PALM2AKAP2: variants seen among roughly 807,000 people sequenced by gnomAD.
PALM2AKAP2 encodes the protein PALM2 and AKAP2 fusion.
Under a neutral mutation model 71.5 loss-of-function variants are expected in PALM2AKAP2, and 37 were observed. That is an observed-to-expected ratio of 0.52 (90% confidence interval 0.40 to 0.68). The LOEUF (loss-of-function observed/expected upper bound fraction) is 0.68. Ranked by LOEUF, PALM2AKAP2 falls within the 30% of genes least tolerant of loss-of-function variation. The pLI is 0.00. For synonymous variants in PALM2AKAP2, 468 were observed against 478.8 expected (o/e 0.98, Z 0.29); for missense variants, 1,224 against 1,191.8 (o/e 1.03, Z -0.40).
chr9:109,803,965 C>A (rs1482473947), intron 1 of PALM2AKAP2, among the ~76,000 whole-genome samples: 2 of 152,202 alleles, frequency 1.3e-5, no homozygotes, highest in Non-Finnish European at 2.9e-5. Context: ...TCAAAGACTG[C>A]CACCTAACAG....
intron 2 of PALM2AKAP2, among the ~76,000 whole-genome samples, chr9:109,869,279 G>T (rs1237872008): frequency 6.6e-6 from 1 of 152,004 alleles, no homozygotes; most frequent in Non-Finnish European, 1.5e-5. Flanking sequence ...TATTGCTGAT[G>T]TCCAGTGCAG....
intron 1 of PALM2AKAP2, among the ~76,000 whole-genome samples, chr9:109,658,394 TC>T (rs1416852289): frequency 6.6e-6 from 1 of 152,102 alleles, no homozygotes; most frequent in African/African-American, 2.4e-5. Context: ...TTTATAAATA[TC>T]CCTTCTGACC....
At chr9:110,156,045 G>A (rs897411000) in intron 2 of PALM2AKAP2, among the ~76,000 whole-genome samples, 4 of 152,158 alleles carry the variant, frequency 2.6e-5, no homozygotes, top group Admixed American at 6.5e-5. Context: ...AGCCACTGTC[G>A]GTCTGTCCAA....
chr9:110,169,733 A>G (rs1836813429), exon 4 of PALM2AKAP2: 3 of 152,458 alleles, frequency 2.0e-5, no homozygotes, highest in Admixed American at 1.3e-4. Flanking sequence ...TACAAATCCT[A>G]AAGATGGGGT....
chr9:109,846,263 C>T (rs1316715241), intron 1 of PALM2AKAP2, among the ~76,000 whole-genome samples: 1 of 152,140 alleles, frequency 6.6e-6, no homozygotes. Context: ...AAGCTCATGG[C>T]ACCAAGGTTA....
chr9:109,988,788 C>A (rs1459363505), intron 6 of PALM2AKAP2, among the ~76,000 whole-genome samples: 1 of 152,084 alleles, frequency 6.6e-6, no homozygotes, highest in Admixed American at 6.5e-5. Flanking sequence ...GTATCCCTAC[C>A]CAAATCGTAT....
intron 1 of PALM2AKAP2, among the ~76,000 whole-genome samples, chr9:109,791,042 G>A (rs534276880): frequency 2.6e-5 from 4 of 152,296 alleles, no homozygotes; most frequent in East Asian, 1.9e-4. Flanking sequence ...CACAAAACCC[G>A]AAGGATATTT....
At position 109,845,308 on chromosome 9, in the gene PALM2AKAP2, G is replaced by C. The variant is rs945570283; in HGVS notation, c.46-22183G>C. ...TCTCCTGGGCAGCAGCTTAAGGCTA[G>C]AGTAAGGACATTTCACAGTTTAAGA... On this transcript the variant is annotated intron_variant, in intron 1 of 9. Coordinates refer to the PALM2AKAP2 transcript ENST00000302798. Among the ~76,000 whole-genome samples the C allele has an allele frequency of 2.0e-5, 3 of 152,222 alleles. No individual in the cohort carries two copies. The East Asian group carries it at 5.8e-4, about 29-fold the overall frequency.
chr9:109,956,865 A>C (rs1831755656), intron 6 of PALM2AKAP2, among the ~76,000 whole-genome samples: 2 of 152,126 alleles, frequency 1.3e-5, no homozygotes, highest in African/African-American at 2.4e-5. Context: ...ACTTACCCCC[A>C]AAATTTAGGA....
chr9:110,059,763 C>G (rs1023695821), intron 1 of PALM2AKAP2, among the ~76,000 whole-genome samples: 2 of 152,068 alleles, frequency 1.3e-5, no homozygotes, highest in Non-Finnish European at 2.9e-5. Context: ...TCCACCTTAC[C>G]ATCTGATCTG....
chr9:109,959,047 C>A (rs896165259), intron 6 of PALM2AKAP2, among the ~76,000 whole-genome samples: 3 of 152,128 alleles, frequency 2.0e-5, no homozygotes, highest in Admixed American at 6.5e-5. Flanking sequence ...CTTGGCAAAC[C>A]CCCCCACCTT....
intron 1 of PALM2AKAP2, among the ~76,000 whole-genome samples, chr9:109,746,999 T>C (rs1323926203): frequency 6.6e-6 from 1 of 152,130 alleles, no homozygotes; most frequent in Non-Finnish European, 1.5e-5. Flanking sequence ...TCCAGTTGGA[T>C]TGGAGTATGG....
intron 1 of PALM2AKAP2, among the ~76,000 whole-genome samples, chr9:109,823,245 A>G (rs1042718960): frequency 6.6e-6 from 1 of 152,182 alleles, no homozygotes; most frequent in East Asian, 1.9e-4. Flanking sequence ...AATCCCTCTC[A>G]TGGCTACACA....
intron 3 of PALM2AKAP2, among the ~76,000 whole-genome samples, chr9:109,922,476 C>G: frequency 8.4e-6 from 1 of 119,186 alleles, no homozygotes; most frequent in African/African-American, 3.2e-5. Flanking sequence ...AGGAGGAAGG[C>G]AAGGGAGGGG....
At chr9:110,141,495 T>G (rs546567846) in intron 2 of PALM2AKAP2, among the ~76,000 whole-genome samples, 22 of 152,348 alleles carry the variant, frequency 1.4e-4, no homozygotes, top group African/African-American at 5.3e-4. Context: ...AAATACAATT[T>G]TCTTCCTGTT....
chr9:109,943,266 G>A (rs1322697303), intron 6 of PALM2AKAP2: 2 of 1,614,238 alleles, frequency 1.2e-6, no homozygotes, highest in South Asian at 2.2e-5. Flanking sequence ...TGACGGACGT[G>A]TCCACTATTG....
intron 1 of PALM2AKAP2, among the ~76,000 whole-genome samples, chr9:109,723,574 G>A (rs1238817080): frequency 6.6e-6 from 1 of 152,192 alleles, no homozygotes; most frequent in Admixed American, 6.5e-5. Context: ...GACCCGAGAG[G>A]GCTGCTAAGG....
At chr9:109,788,336 T>G (rs1160368099) in intron 1 of PALM2AKAP2, among the ~76,000 whole-genome samples, 1 of 152,180 alleles carries the variant, frequency 6.6e-6, no homozygotes. Flanking sequence ...TAATGGACAT[T>G]GTAGGGAGAT....
chr9:109,661,489 T>C (rs1308302605), intron 1 of PALM2AKAP2, among the ~76,000 whole-genome samples: 2 of 152,244 alleles, frequency 1.3e-5, no homozygotes, highest in South Asian at 4.1e-4. Context: ...TGTGGTGTTA[T>C]TTCTGAGGCC....
Sources: allele counts gnomAD v4.1 joint callset (sites outside exome capture counted in the v4.1 genomes callset), GRCh38; gene constraint gnomAD v4.1.1; transcripts MANE v1.5; gene names NCBI Gene and HGNC (gene_info 2026-07-23, HGNC 2026-07-21).